The following CRACD variants were observed in gnomAD, a reference collection of about 807,000 sequenced individuals.
CRACD encodes capping protein inhibiting regulator of actin dynamics.
In CRACD, 56 loss-of-function variants were observed where a neutral mutation model predicts 106.8. That is an observed-to-expected ratio of 0.52 (90% CI 0.42 to 0.66). The LOEUF (loss-of-function observed/expected upper bound fraction) is 0.66, where lower values mean the gene tolerates loss of function less well. CRACD is among the 30% of genes least tolerant of loss of function. The probability of loss-of-function intolerance (pLI) is 0.00; values close to 1 mark genes in which losing one functional copy is unlikely to be tolerated. For missense variants in CRACD, 1,730 were observed against 1,623.2 expected (o/e 1.07, Z -1.13); for synonymous variants, 754 against 670.8 (o/e 1.12, Z -1.92).
chr4:56,159,246 C>T (rs775119883), intron 1 of CRACD, among the ~76,000 whole-genome samples: 11 of 152,164 alleles, frequency 7.2e-5, no homozygotes, highest in Non-Finnish European at 1.0e-4. Flanking sequence ...TCTCTTTTAT[C>T]GATTGATAAA....
intron 2 of CRACD, among the ~76,000 whole-genome samples, chr4:56,270,005 C>G (rs1742254766): frequency 2.0e-5 from 3 of 152,192 alleles, no homozygotes; most frequent in Admixed American, 2.0e-4. Flanking sequence ...TAGCAGGCAT[C>G]TGATATGTTT....
intron 2 of CRACD, among the ~76,000 whole-genome samples, chr4:56,238,561 TG>T (rs1740136440): frequency 1.3e-5 from 2 of 152,202 alleles, no homozygotes; most frequent in African/African-American, 2.4e-5. Context: ...AACAACTCAT[TG>T]TAGGAACATG....
intron 2 of CRACD, among the ~76,000 whole-genome samples, chr4:56,215,222 T>C (rs1389756955): frequency 1.3e-5 from 2 of 152,142 alleles, no homozygotes; most frequent in Non-Finnish European, 2.9e-5. Context: ...GGTCTCACTA[T>C]GTTGCCCAGG....
chr4:56,311,793 T>C (rs2109759943), intron 6 of CRACD, among the ~76,000 whole-genome samples: 1 of 152,294 alleles, frequency 6.6e-6, no homozygotes, highest in East Asian at 1.9e-4. Flanking sequence ...CCTGGCCACA[T>C]CGGAGCTGCT....
intron 3 of CRACD, among the ~76,000 whole-genome samples, chr4:56,274,171 G>A (rs768088015): frequency 2.0e-5 from 3 of 152,238 alleles, no homozygotes; most frequent in Non-Finnish European, 4.4e-5. Context: ...TCACTCAGCT[G>A]TTGGAATGTT....
chr4:56,146,437 A>G (rs1735382292), intron 1 of CRACD, among the ~76,000 whole-genome samples: 1 of 150,316 alleles, frequency 6.7e-6, no homozygotes. Context: ...TTATTATTAT[A>G]CTTTAAGTTT....
chr4:56,177,285 T>C (rs971209225), intron 1 of CRACD, among the ~76,000 whole-genome samples: 14 of 152,232 alleles, frequency 9.2e-5, no homozygotes, highest in African/African-American at 3.4e-4. Flanking sequence ...CAATGTTGAA[T>C]TTCATTGAAT....
chr4:56,064,057 G>T (rs865898414), intron 1 of CRACD, among the ~76,000 whole-genome samples: 1 of 152,176 alleles, frequency 6.6e-6, no homozygotes, highest in Non-Finnish European at 1.5e-5. Flanking sequence ...ATGTGAAGTG[G>T]TGTCTCAGTT....
At chr4:56,084,216 A>G (rs1386981394) in intron 1 of CRACD, among the ~76,000 whole-genome samples, 1 of 152,220 alleles carries the variant, frequency 6.6e-6, no homozygotes, top group Non-Finnish European at 1.5e-5. Context: ...GCTGTGGAAC[A>G]ACCTTGGACT....
At chr4:56,235,056 G>A (rs1321418573) in intron 2 of CRACD, among the ~76,000 whole-genome samples, 2 of 152,126 alleles carry the variant, frequency 1.3e-5, no homozygotes, top group East Asian at 1.9e-4. Context: ...TGCATATTGC[G>A]ATATAGTAGA....
chr4:56,214,115 A>G (rs1397316351), intron 2 of CRACD, among the ~76,000 whole-genome samples: 4 of 152,158 alleles, frequency 2.6e-5, no homozygotes, highest in African/African-American at 9.7e-5. Flanking sequence ...TTGATTTCTC[A>G]CAGTTCTAAA....
At chr4:56,271,185 C>T (rs556461629) in intron 2 of CRACD, among the ~76,000 whole-genome samples, 6 of 150,452 alleles carry the variant, frequency 4.0e-5, no homozygotes, top group Admixed American at 6.6e-5. Context: ...TAAAGAAAAA[C>T]GAAACATCCA....
intron 1 of CRACD, among the ~76,000 whole-genome samples, chr4:56,174,819 A>G (rs1736518322): frequency 6.6e-6 from 1 of 152,212 alleles, no homozygotes. Flanking sequence ...TATGAAGAAA[A>G]GAGGTTTAAT....
chr4:56,061,320 A>G lies in CRACD; in HGVS notation c.-336+12021A>G, dbSNP rs577318438. 2.0e-5 allele frequency among the ~76,000 whole-genome samples: 3 copies of G among 152,208 alleles called. No homozygotes were observed. In the South Asian group the frequency reaches 6.2e-4, roughly 32 times the overall value. ...CAAGTAGCTGGGACTATAGGCGCTC[A>G]CCACCATGCCCACCAGTTTTTGTGG... On this transcript the variant is annotated intron_variant, in intron 1 of 10. Transcript: ENST00000682029.
rs78463199 is a variant in CRACD, at chr4:56,095,518, G to A, written c.-336+46219G>A. Among the ~76,000 whole-genome samples the A allele has an allele frequency of 2.6e-4, 40 of 152,278 alleles. No individual in the cohort carries two copies. In the East Asian group the frequency reaches 6.9e-3, roughly 26 times the overall value. Reference sequence around the variant, plus strand: ...CTTGAAGAAATCGAGGTGGTAGCACGCGGCTATCAGCGGGAAGAGTGAACC... The same window carrying A: ...CTTGAAGAAATCGAGGTGGTAGCACACGGCTATCAGCGGGAAGAGTGAACC... On this transcript the variant is annotated intron_variant, in intron 1 of 10. Transcript: ENST00000682029.
At chr4:56,182,116 C>A (rs1019547143) in intron 2 of CRACD, among the ~76,000 whole-genome samples, 27 of 152,260 alleles carry the variant, frequency 1.8e-4, no homozygotes, top group African/African-American at 6.3e-4. Flanking sequence ...CACGATGGCT[C>A]ACACCTGTAA....
Position 56,314,898 on chromosome 4 carries a change from G to A in CRACD, c.1396G>A (p.Gly466Arg), listed in dbSNP as rs1745471607. 1 of 1,609,586 alleles carries A rather than the reference G, an allele frequency of 6.2e-7. No homozygotes were observed. The highest frequency in any genetic ancestry group is 2.2e-5 in the East Asian group (1 of 44,722). The stretch of plus-strand genomic sequence containing the variant: ...GGCCGAGCGGCGAAGAGAGCAGCAG[G>A]GAAGGAGCGGGGATTTCCAGGGGGC... ...PEAERRREQQ[G>R]RSGDFQGADR... Residue 466 changes from glycine (G) to arginine (R), a missense_variant, in exon 8 of 11, where the codon GGA becomes AGA. This residue lies in a region of CRACD where 1,620 missense variants were observed against 1,481.6 expected (regional missense o/e 1.09). Transcript: ENST00000682029. The surrounding 1 kb of genome is among the most constrained non-coding windows in gnomAD (Gnocchi z 4.4).
chr4:56,311,212 G>A (rs1251921044), intron 6 of CRACD: 1 of 168,022 alleles, frequency 6.0e-6, no homozygotes, highest in Non-Finnish European at 1.3e-5. Flanking sequence ...CTGCAGGAGT[G>A]TAAGAACCCT....
intron 4 of CRACD, 81 bp from the exon 5 acceptor site, chr4:56,307,454 C>A: frequency 6.9e-7 from 1 of 1,439,264 alleles, no homozygotes; most frequent in Non-Finnish European, 9.6e-7. Context: ...TCAGTGCTCA[C>A]TAGACATGCT....
Sources: allele counts gnomAD v4.1 joint callset (sites outside exome capture counted in the v4.1 genomes callset), GRCh38; gene constraint gnomAD v4.1.1; regional missense constraint gnomAD v4.1.1; non-coding constraint Gnocchi (gnomAD v3.1); transcripts MANE v1.5; gene names NCBI Gene and HGNC (gene_info 2026-07-23, HGNC 2026-07-21).